SVIL: variants seen among roughly 807,000 people sequenced by gnomAD.
SVIL encodes supervillin, also known as archvillin.
Under a neutral mutation model 240.4 loss-of-function variants are expected in SVIL, and 101 were observed. The ratio of observed to expected loss-of-function variants is 0.42; its 90% CI spans 0.36 to 0.50. The LOEUF (loss-of-function observed/expected upper bound fraction) is 0.50. Among genes scored for constraint, SVIL ranks in the 20% least tolerant of loss-of-function variants. SVIL has a pLI of 0.01. For missense variants in SVIL, 2,512 were observed against 2,818.7 expected, an observed-to-expected ratio of 0.89 and a Z score of 2.46; for synonymous variants, 999 against 1,100.0, an observed-to-expected ratio of 0.91 and a Z score of 1.82.
At chr10:29,707,907 C>T (rs3932703) in intron 1 of SVIL, among the ~76,000 whole-genome samples, 95,719 of 151,744 alleles carry the variant, frequency 0.63, 30,480 homozygotes, top group East Asian at 0.77. Flanking sequence ...AATATCAGGG[C>T]TGTGATTTAA....
In SVIL at chr10:29,487,312, C is replaced by A. The variant is rs1336851126; in HGVS notation, c.4349-13G>T. 1.9e-6 allele frequency: 3 copies of A among 1,613,910 alleles called. No individual in the cohort carries two copies. The highest frequency in any genetic ancestry group is 2.2e-5 in the East Asian group (1 of 44,860). On this transcript the variant is annotated splice_polypyrimidine_tract_variant and intron_variant, in intron 23 of 37. Coordinates refer to ENST00000355867, the MANE Select transcript of SVIL (RefSeq NM_021738.3). ...ACATGTCTTCTTCCTGAACACGAGGCAGACAGTCACCGTCTTTCCAGACAG... is the reference window on the plus strand; with the variant it reads ...ACATGTCTTCTTCCTGAACACGAGGAAGACAGTCACCGTCTTTCCAGACAG...
At chr10:29,675,949 C>T (rs923583886) in intron 2 of SVIL, among the ~76,000 whole-genome samples, 7 of 152,170 alleles carry the variant, frequency 4.6e-5, no homozygotes, top group African/African-American at 1.4e-4. Context: ...AACCAACCAT[C>T]AGTCCTCTGA....
intron 1 of SVIL, among the ~76,000 whole-genome samples, chr10:29,691,075 A>G (rs1249161589): frequency 1.3e-5 from 2 of 152,206 alleles, no homozygotes; most frequent in Non-Finnish European, 2.9e-5. Context: ...AGACTAAAAG[A>G]ATATTTTTCC....
intron 1 of SVIL, among the ~76,000 whole-genome samples, chr10:29,720,972 GAGT>G (rs1963937773): frequency 6.6e-6 from 1 of 152,044 alleles, no homozygotes; most frequent in South Asian, 2.1e-4. Flanking sequence ...TCGGCCTCCT[GAGT>G]AGCTGGGACT....
At chr10:29,665,173 G>A (rs1207224547) in intron 2 of SVIL, among the ~76,000 whole-genome samples, 1 of 144,202 alleles carries the variant, frequency 6.9e-6, no homozygotes, top group Non-Finnish European at 1.5e-5. Flanking sequence ...GCTGCAGTGA[G>A]CTGTGATTGC....
intron 2 of SVIL, among the ~76,000 whole-genome samples, chr10:29,674,364 A>G (rs919110457): frequency 1.7e-4 from 26 of 151,990 alleles, no homozygotes; most frequent in African/African-American, 5.8e-4. Flanking sequence ...AGGGTTTTTC[A>G]TGAGTTTGGT....
intron 1 of SVIL, among the ~76,000 whole-genome samples, chr10:29,612,953 G>A (rs143488289): frequency 0.019 from 2,902 of 152,038 alleles, 97 homozygotes; most frequent in African/African-American, 0.067. Flanking sequence ...TGAGGTGGGC[G>A]GATCACAAGG....
chr10:29,664,723 T>C (rs1959198830), intron 2 of SVIL, among the ~76,000 whole-genome samples: 1 of 152,020 alleles, frequency 6.6e-6, no homozygotes. Context: ...CACATACATA[T>C]ATGGATGCAT....
chr10:29,682,677 T>C (rs1960756756), intron 2 of SVIL, among the ~76,000 whole-genome samples: 2 of 152,230 alleles, frequency 1.3e-5, no homozygotes, highest in Admixed American at 6.5e-5. Context: ...TTAGACAGGC[T>C]TGGTGAAGAA....
intron 1 of SVIL, among the ~76,000 whole-genome samples, chr10:29,709,698 G>T (rs192269020): frequency 4.6e-5 from 7 of 152,298 alleles, no homozygotes; most frequent in South Asian, 2.1e-4. Context: ...CCCTGCAGGT[G>T]GTTCCCGGTA....
chr10:29,728,581 G>A lies in SVIL; in HGVS notation c.-400+7170C>T, dbSNP rs117270805. Among the ~76,000 whole-genome samples the A allele has an allele frequency of 4.8e-3, 735 of 152,236 alleles. 18 individuals are homozygous for A. The East Asian group carries it at 0.075, about 16-fold the overall frequency. ...AGAAAAAAATGAAAGGGAAAGGAAT[G>A]CAAGCATCAAGAAGCACTGTCAAAA... is the stretch of plus-strand genomic sequence containing the variant. On this transcript the variant is annotated intron_variant, in intron 1 of 35. Coordinates refer to the SVIL transcript ENST00000375400.
In SVIL at chr10:29,484,744, C is replaced by T; in HGVS notation, c.4867G>A (p.Ala1623Thr). 5 of 1,613,904 alleles carry T rather than the reference C, an allele frequency of 3.1e-6. No homozygotes were observed. The highest frequency in any genetic ancestry group is 3.4e-6 in the Non-Finnish European group (4 of 1,179,894). The change falls in exon 27 of 38, where the codon GCA (alanine) becomes ACA (threonine). Residue 1623 changes from alanine to threonine, a missense_variant. Physicochemically the swap from Ala to Thr is moderately conservative, Grantham distance 58. This residue lies in a region of SVIL where 797 missense variants were observed against 925.3 expected (regional missense o/e 0.86). Coordinates refer to ENST00000355867, the MANE Select transcript of SVIL (RefSeq NM_021738.3). The surrounding 1 kb of genome is among the most constrained non-coding windows in gnomAD (Gnocchi z 4.7). ...LAQRKIAFQL[A>T]KHLWNGTFDY... Reference sequence around the variant, plus strand: ...AAGGTTCCATTCCATAAGTGCTTTGCCAGCTGAAATGCTATTTTTCGTTGT... The same window carrying T: ...AAGGTTCCATTCCATAAGTGCTTTGTCAGCTGAAATGCTATTTTTCGTTGT...
intron 2 of SVIL, among the ~76,000 whole-genome samples, chr10:29,670,453 G>A (rs191760088): frequency 2.0e-5 from 3 of 152,342 alleles, no homozygotes; most frequent in East Asian, 3.9e-4. Context: ...AGGTTGCAGA[G>A]TGTGGGTATT....
intron 13 of SVIL, 99 bp downstream of exon 13, chr10:29,526,862 T>C (rs1032249769): frequency 2.9e-6 from 3 of 1,028,266 alleles, no homozygotes; most frequent in Non-Finnish European, 4.1e-6. Context: ...GGCATTGACT[T>C]GTTTGTCAAA....
chr10:29,695,202 G>A (rs892115350), intron 1 of SVIL, among the ~76,000 whole-genome samples: 1 of 152,146 alleles, frequency 6.6e-6, no homozygotes, highest in Non-Finnish European at 1.5e-5. Context: ...TGGAATGTAC[G>A]AGCTGCTTAT....
chr10:29,537,883 T>A (rs1951851598), intron 6 of SVIL, among the ~76,000 whole-genome samples: 1 of 152,152 alleles, frequency 6.6e-6, no homozygotes, highest in Non-Finnish European at 1.5e-5. Context: ...CACCTCCCCA[T>A]CCTCTGCATC....
chr10:29,542,565 G>A (rs185723193), intron 6 of SVIL, among the ~76,000 whole-genome samples: 280 of 152,122 alleles, frequency 1.8e-3, no homozygotes, highest in Admixed American at 7.8e-3. Flanking sequence ...GCAAGTGTAC[G>A]TATTTATGGG....
chr10:29,585,085 C>CTTTTTT (rs142015712), intron 1 of SVIL, among the ~76,000 whole-genome samples: 1 of 132,370 alleles, frequency 7.6e-6, no homozygotes, highest in African/African-American at 2.6e-5. Flanking sequence ...TATTCTTCTT[C>CTTTTTT]CTTTTTTTTT....
In SVIL at chr10:29,735,329, T is replaced by C. The variant is rs2132729271; in HGVS notation, c.-400+422A>G. On this transcript the variant is annotated intron_variant, in intron 1 of 35. Coordinates refer to the SVIL transcript ENST00000375400. The surrounding 1 kb of genome is among the most constrained non-coding windows in gnomAD (Gnocchi z 4.1). ...GAAAGGAACCGGGCGATGTCGTAGT[T>C]CTGATCACTGGCGCGCCACTCCCCG... is the stretch of plus-strand genomic sequence containing the variant. Among the ~76,000 whole-genome samples the C allele has an allele frequency of 6.7e-6, 1 of 150,302 alleles. No individual in the cohort carries two copies. Among genetic ancestry groups the C allele is most frequent in the Admixed American group, 6.6e-5 (1 of 15,212 alleles).
Sources: gnomAD v4.1 joint callset for allele counts (sites outside exome capture counted in the v4.1 genomes callset) on GRCh38, gnomAD v4.1.1 for gene constraint, gnomAD v4.1.1 regional missense constraint, Gnocchi (gnomAD v3.1) non-coding constraint, MANE v1.5 for transcripts, NCBI Gene and HGNC (gene_info 2026-07-23, HGNC 2026-07-21) for gene names.